The following FSCN1 variants were observed in gnomAD, a reference collection of about 807,000 sequenced individuals.
FSCN1 encodes fascin.
Under a neutral mutation model 39.7 loss-of-function variants are expected in FSCN1, and 10 were observed. The observed-to-expected ratio is 0.25, with a 90% CI of 0.16 to 0.43. The LOEUF (loss-of-function observed/expected upper bound fraction) is 0.43. Among genes scored for constraint, FSCN1 ranks in the 20% least tolerant of loss-of-function variants. The pLI is 1.00. For missense variants in FSCN1, 525 were observed against 723.8 expected (o/e 0.73, Z 3.15); for synonymous variants, 322 against 320.0 (o/e 1.01, Z -0.07).
intron 1 of FSCN1, among the ~76,000 whole-genome samples, chr7:5,601,841 AAAAG>A (rs1365570186): frequency 6.8e-6 from 1 of 147,976 alleles, no homozygotes; most frequent in African/African-American, 2.5e-5. Flanking sequence ...CCCTGAATCA[AAAAG>A]AAAGAGATGT....
chr7:5,605,230 G>A lies in FSCN1; in HGVS notation c.1280-42G>A, dbSNP rs1490030468. The A allele has an allele frequency of 1.3e-6, 2 of 1,487,814 alleles. No individual in the cohort carries two copies. Among genetic ancestry groups the A allele is most frequent in the African/African-American group, 1.4e-5 (1 of 72,668 alleles). 92.2% of individuals were successfully genotyped at this position (1,487,814 alleles called of 1,614,324 possible). ...CTCCGCTGCCCAGGGTAGGGGTGGG[G>A]AGCCAGGCTTTGGGCCCCACTTGAT... On this transcript the variant is annotated intron_variant, in intron 4 of 4. Coordinates refer to ENST00000382361, the MANE Select transcript of FSCN1 (RefSeq NM_003088.4). The surrounding 1 kb of genome is among the most constrained non-coding windows in gnomAD (Gnocchi z 6.9).
intron 4 of FSCN1, among the ~76,000 whole-genome samples, chr7:5,604,866 G>A (rs540056581): frequency 6.6e-6 from 1 of 151,796 alleles, no homozygotes; most frequent in South Asian, 2.1e-4. Flanking sequence ...TGAATTCGTG[G>A]CCTCAAGTGA....
chr7:5,593,610 A>G lies in FSCN1; in HGVS notation c.674A>G (p.Asp225Gly), dbSNP rs1378612884. Reference sequence around the variant, plus strand: ...CGCTCCGGCAAGGTGGCCTTCCGCGACTGCGAGGGCCGTTACCTGGCGCCG... The same window carrying G: ...CGCTCCGGCAAGGTGGCCTTCCGCGGCTGCGAGGGCCGTTACCTGGCGCCG... ...EFRSGKVAFRDCEGRYLAPSG... is the reference protein window; with the variant it reads ...EFRSGKVAFRGCEGRYLAPSG... Residue 225 changes from aspartate to glycine, a missense_variant, in exon 1 of 5, where the codon GAC (aspartate) becomes GGC (glycine). Asp to Gly is a moderately conservative substitution (Grantham distance 94). Coordinates refer to ENST00000382361, the MANE Select transcript of FSCN1 (RefSeq NM_003088.4). The G allele has an allele frequency of 6.4e-7, 1 of 1,559,352 alleles. No individual in the cohort carries two copies. Among genetic ancestry groups the G allele is most frequent in the Non-Finnish European group, 8.6e-7 (1 of 1,159,428 alleles).
chr7:5,598,309 G>C (rs559424156), intron 1 of FSCN1, among the ~76,000 whole-genome samples: 1 of 152,364 alleles, frequency 6.6e-6, no homozygotes, highest in African/African-American at 2.4e-5. Flanking sequence ...GGCTGATGGG[G>C]ACTGAGTCGT....
Position 5,599,495 on chromosome 7 carries a change from C to A in FSCN1, c.833-3762C>A, listed in dbSNP as rs852479. On this transcript the variant is annotated intron_variant, in intron 1 of 4. Transcript: ENST00000382361. This position sits in a 1 kb window ranked among gnomAD's most constrained non-coding sequence, Gnocchi z 5.6. ...CCCCACCTGTGGAGCAGATGTGGGG[C>A]TGCATGGTTGGGTCAGGATGGAACA... Among the ~76,000 whole-genome samples the A allele has an allele frequency of 0.098, 14,901 of 152,190 alleles. 844 individuals are homozygous for A. Among genetic ancestry groups the A allele is most frequent in the East Asian group, 0.17 (871 of 5,172 alleles).
chr7:5,600,820 AT>A (rs538743716), intron 1 of FSCN1, among the ~76,000 whole-genome samples: 11,148 of 145,208 alleles, frequency 0.077, 869 homozygotes, highest in African/African-American at 0.2. Flanking sequence ...TGCCCGGCTA[AT>A]TTTTTTTTTT....
Position 5,593,659 on chromosome 7 carries a change from G to A in FSCN1, c.723G>A (p.Lys241=), listed in dbSNP as rs1401551255. 1.9e-6 allele frequency: 3 copies of A among 1,583,410 alleles called. No homozygotes were observed. The Admixed American group carries it at 5.3e-5, about 28-fold the overall frequency. Residue 241 remains lysine (K), a synonymous_variant, in exon 1 of 5, where the codon AAG becomes AAA. Coordinates refer to ENST00000382361, the MANE Select transcript of FSCN1 (RefSeq NM_003088.4). ...CGTCGGGGCCCAGCGGCACGCTCAA[G>A]GCGGGCAAGGCCACCAAGGTGGGCA... is the stretch of plus-strand genomic sequence containing the variant. The part of the protein sequence containing the change: ...LAPSGPSGTL[K]AGKATKVGKD...
intron 1 of FSCN1, among the ~76,000 whole-genome samples, chr7:5,596,412 C>A (rs1785731422): frequency 6.6e-6 from 1 of 152,240 alleles, no homozygotes; most frequent in African/African-American, 2.4e-5. Flanking sequence ...TTCCAGGCCT[C>A]CTTGGGCTGG....
chr7:5,593,715 G>A lies in FSCN1; in HGVS notation c.779G>A (p.Cys260Tyr). ...KDELFALEQS[C>Y]AQVVLQAANE... ...GAGCTCTTTGCTCTGGAGCAGAGCT[G>A]CGCCCAGGTCGTGCTGCAGGCGGCC... The change falls in exon 1 of 5, where the codon TGC (cysteine) becomes TAC (tyrosine). Residue 260 changes from cysteine to tyrosine, a missense_variant. This residue lies in a region of FSCN1 where 275 missense variants were observed against 351.9 expected (regional missense o/e 0.78). Coordinates refer to ENST00000382361, the MANE Select transcript of FSCN1 (RefSeq NM_003088.4). 6.3e-7 allele frequency: 1 copy of A among 1,593,978 alleles called. No individual in the cohort carries two copies. The highest frequency in any genetic ancestry group is 8.5e-7 in the Non-Finnish European group (1 of 1,176,672).
Position 5,593,671 on chromosome 7 carries a change from C to T in FSCN1, c.735C>T (p.Ala245=), listed in dbSNP as rs754690584. The T allele has an allele frequency of 1.1e-5, 17 of 1,587,470 alleles. No homozygotes were observed. The Admixed American group carries it at 2.8e-4, about 26-fold the overall frequency. ...GCGGCACGCTCAAGGCGGGCAAGGC[C>T]ACCAAGGTGGGCAAGGACGAGCTCT... The part of the protein sequence containing the change: ...GPSGTLKAGK[A]TKVGKDELFA... Residue 245 remains alanine (A), a synonymous_variant, in exon 1 of 5, where the codon GCC becomes GCT. Coordinates refer to ENST00000382361, the MANE Select transcript of FSCN1 (RefSeq NM_003088.4).
Position 5,593,179 on chromosome 7 carries a change from G to A in FSCN1, c.243G>A (p.Glu81=), listed in dbSNP as rs1259990827. ...ACAAGGACGGCAACGTGACCTGCGA[G>A]CGCGAGGTGCCCGGTCCCGACTGCC... ...AADKDGNVTC[E]REVPGPDCRF... The change falls in exon 1 of 5, where the codon GAG becomes GAA. Residue 81 remains glutamate, a synonymous_variant. Coordinates refer to ENST00000382361, the MANE Select transcript of FSCN1 (RefSeq NM_003088.4). The A allele has an allele frequency of 2.5e-6, 4 of 1,602,456 alleles. No individual in the cohort carries two copies. The highest frequency in any genetic ancestry group is 3.4e-6 in the Non-Finnish European group (4 of 1,175,786).
rs1265471753 is a variant in FSCN1, at chr7:5,593,695, C to G, written c.759C>G (p.Leu253=). 31 of 1,592,990 alleles carry G rather than the reference C, an allele frequency of 1.9e-5. No homozygotes were observed. Among genetic ancestry groups the G allele is most frequent in the Non-Finnish European group, 2.6e-5 (30 of 1,176,124 alleles). Residue 253 remains leucine, a synonymous_variant, in exon 1 of 5, where the codon CTC becomes CTG. Transcript: ENST00000382361. ...CCACCAAGGTGGGCAAGGACGAGCT[C>G]TTTGCTCTGGAGCAGAGCTGCGCCC... The part of the protein sequence containing the change: ...GKATKVGKDE[L]FALEQSCAQV...
intron 1 of FSCN1, among the ~76,000 whole-genome samples, chr7:5,601,928 T>TC (rs1311949935): frequency 6.6e-6 from 1 of 151,672 alleles, no homozygotes; most frequent in African/African-American, 2.4e-5. Context: ...TCCTTTTTTT[T>TC]GTTTTAGAGA....
Position 5,593,221 on chromosome 7 carries a change from G to T in FSCN1, c.285G>T (p.Ala95=), listed in dbSNP as rs1351169745. 4 of 1,606,756 alleles carry T rather than the reference G, an allele frequency of 2.5e-6. No individual in the cohort carries two copies. Among genetic ancestry groups the T allele is most frequent in the Admixed American group, 3.4e-5 (2 of 59,380 alleles). ...PGPDCRFLIV[A]HDDGRWSLQS... is the part of the protein sequence containing the mutation. ...CCGACTGCCGTTTCCTCATCGTGGC[G>T]CACGACGACGGTCGCTGGTCGCTGC... Residue 95 remains alanine, a synonymous_variant, in exon 1 of 5, where the codon GCG becomes GCT. Transcript: ENST00000382361.
rs535785668 is a variant in FSCN1 at position 5,602,015 on chromosome 7, G to A, written c.833-1242G>A. Among the ~76,000 whole-genome samples the A allele has an allele frequency of 4.9e-4, 74 of 151,210 alleles. 1 individual carries two copies. Among genetic ancestry groups the A allele is most frequent in the South Asian group, 1.7e-3 (8 of 4,764 alleles). ...TGTTGCCCAGGCTGGAGTGATCTCG[G>A]CTCACTGCCATCTCCGCCTCCCAGG... On this transcript the variant is annotated intron_variant, in intron 1 of 4. Transcript: ENST00000382361.
At chr7:5,604,826 C>T (rs963057739) in intron 4 of FSCN1, among the ~76,000 whole-genome samples, 8 of 152,174 alleles carry the variant, frequency 5.3e-5, no homozygotes, top group African/African-American at 1.7e-4. Context: ...TTCATAGAGA[C>T]GGGTTTCACC....
In FSCN1 at chr7:5,593,689, C is replaced by A; in HGVS notation, c.753C>A (p.Asp251Glu). ...GCAAGGCCACCAAGGTGGGCAAGGACGAGCTCTTTGCTCTGGAGCAGAGCT... is the reference window on the plus strand; with the variant it reads ...GCAAGGCCACCAAGGTGGGCAAGGAAGAGCTCTTTGCTCTGGAGCAGAGCT... ...KAGKATKVGK[D>E]ELFALEQSCA... is the part of the protein sequence containing the mutation. Residue 251 changes from aspartate to glutamate, a missense_variant, in exon 1 of 5, where the codon GAC becomes GAA. Physicochemically the swap from Asp to Glu is conservative, Grantham distance 45. This residue lies in a region of FSCN1 where 275 missense variants were observed against 351.9 expected (regional missense o/e 0.78). Coordinates refer to ENST00000382361, the MANE Select transcript of FSCN1 (RefSeq NM_003088.4). 1 of 1,591,696 alleles carries A rather than the reference C, an allele frequency of 6.3e-7. No homozygotes were observed. The highest frequency in any genetic ancestry group is 8.5e-7 in the Non-Finnish European group (1 of 1,175,554).
rs1460925114 is a variant in FSCN1 at position 5,605,071 on chromosome 7, G to C, written c.1280-201G>C. On this transcript the variant is annotated intron_variant, in intron 4 of 4. Transcript: ENST00000382361. This position sits in a 1 kb window ranked among gnomAD's most constrained non-coding sequence, Gnocchi z 6.9. Reference sequence around the variant, plus strand: ...TACAGGCGTGAGCCACTGCGGCCGAGCAGAACACGTTCTAGGACCCTTGTT... The same window carrying C: ...TACAGGCGTGAGCCACTGCGGCCGACCAGAACACGTTCTAGGACCCTTGTT... Among the ~76,000 whole-genome samples the C allele has an allele frequency of 6.6e-6, 1 of 152,124 alleles. No individual in the cohort carries two copies. Among genetic ancestry groups the C allele is most frequent in the Non-Finnish European group, 1.5e-5 (1 of 68,038 alleles).
chr7:5,603,136 G>T lies in FSCN1; in HGVS notation c.833-121G>T. 2 of 1,144,230 alleles carry T rather than the reference G, an allele frequency of 1.7e-6. No homozygotes were observed. The highest frequency in any genetic ancestry group is 1.4e-5 in the South Asian group (1 of 71,056). 70.9% of individuals were successfully genotyped at this position (1,144,230 alleles called of 1,614,324 possible). On this transcript the variant is annotated intron_variant, in intron 1 of 4. Coordinates refer to ENST00000382361, the MANE Select transcript of FSCN1 (RefSeq NM_003088.4). The surrounding 1 kb of genome is among the most constrained non-coding windows in gnomAD (Gnocchi z 8.5). ...CTCATGTGTGCCACTGTGGGGACTC[G>T]GCCGCCCACCCCACCCCGTGGTGTT...
Sources: allele counts gnomAD v4.1 joint callset (sites outside exome capture counted in the v4.1 genomes callset), GRCh38; gene constraint gnomAD v4.1.1; regional missense constraint gnomAD v4.1.1; non-coding constraint Gnocchi (gnomAD v3.1); transcripts MANE v1.5; gene names NCBI Gene and HGNC (gene_info 2026-07-23, HGNC 2026-07-21).